SH2D2A: variants seen among roughly 807,000 people sequenced by gnomAD.
SH2D2A encodes the protein SH2 domain containing 2A.
SH2D2A carries 33 observed loss-of-function variants against 43.6 expected under a neutral mutation model. That is an observed-to-expected ratio of 0.76 (90% CI 0.57 to 1.01). The LOEUF (loss-of-function observed/expected upper bound fraction) is 1.01, where lower values mean the gene tolerates loss of function less well. Ranked by LOEUF, SH2D2A falls within the 50% of genes least tolerant of loss-of-function variation. The pLI, the probability that SH2D2A is intolerant of heterozygous loss-of-function variation, is 0.00. For missense variants in SH2D2A, 491 were observed against 503.1 expected (o/e 0.98, Z 0.23); for synonymous variants, 212 against 206.1 (o/e 1.03, Z -0.25).
rs372588179 is a variant in SH2D2A, at chr1:156,813,813, C to T, written c.567+35G>A. On this transcript the variant is annotated intron_variant, in intron 5 of 8. Transcript: ENST00000368199. ...GAGCGGGAGGGGCGCTGGCCCGAGA[C>T]CCTGGGCTCTCTGGTCAGGGTCTGG... The T allele has an allele frequency of 9.4e-6, 13 of 1,387,000 alleles. No homozygotes were observed. In the Middle Eastern group the frequency reaches 1.0e-3, roughly 111 times the overall value. The allele number at this position is 1,387,000 out of a possible 1,614,324, so 85.9% of individuals were successfully genotyped here.
rs373501735 is a variant in SH2D2A at position 156,813,961 on chromosome 1, C to T, written c.454G>A (p.Val152Met). Residue 152 changes from valine to methionine, a missense_variant, in exon 5 of 9, where the codon GTG (valine) becomes ATG (methionine). Coordinates refer to ENST00000368199, the MANE Select transcript of SH2D2A (RefSeq NM_003975.4). ...TGGGCGCTGTCCTCGCCCAGCACCA[C>T]GTGGCGCCCGTCCCTGAGCTGGGCC... Reference protein sequence around the residue: ...LLAQLRDGRHVVLGEDSAHAR... With the variant: ...LLAQLRDGRHMVLGEDSAHAR... The T allele has an allele frequency of 6.5e-7, 1 of 1,531,222 alleles. No homozygotes were observed. The highest frequency in any genetic ancestry group is 2.5e-5 in the East Asian group (1 of 40,706). The allele number at this position is 1,531,222 out of a possible 1,614,324, so 94.9% of individuals were successfully genotyped here.
intron 8 of SH2D2A, among the ~76,000 whole-genome samples, chr1:156,806,952 A>G (rs1171447778): frequency 6.6e-6 from 1 of 152,136 alleles, no homozygotes; most frequent in Non-Finnish European, 1.5e-5. Flanking sequence ...TGACCTTAAC[A>G]TCCTTTCCAA....
At position 156,815,121 on chromosome 1, in the gene SH2D2A, C is replaced by T. The variant is rs199618683; in HGVS notation, c.224G>A (p.Arg75Gln). 3.5e-5 allele frequency: 56 copies of T among 1,610,214 alleles called. No homozygotes were observed. The highest frequency in any genetic ancestry group is 2.5e-4 in the East Asian group (11 of 44,572). ...EGSLFLQAETRAWFQKTQAHW... is the reference protein window; with the variant it reads ...EGSLFLQAETQAWFQKTQAHW... ...GGCCTGGGTCTTCTGGAACCAAGCC[C>T]GGGTCTCGGCCTGCAGGAACAGGCT... Residue 75 changes from arginine (R) to glutamine (Q), a missense_variant, in exon 3 of 9, where the codon CGG becomes CAG. Coordinates refer to ENST00000368199, the MANE Select transcript of SH2D2A (RefSeq NM_003975.4).
At chr1:156,815,560 A>G in intron 2 of SH2D2A, 1 of 608,444 alleles carries the variant, frequency 1.6e-6, no homozygotes, top group Non-Finnish European at 2.9e-6. Flanking sequence ...ATGAAGAAAC[A>G]TGATGCAGGA....
In SH2D2A at chr1:156,816,766, G is replaced by A. The variant is rs574015306; in HGVS notation, c.-58C>T. 1.0e-5 allele frequency: 15 copies of A among 1,483,876 alleles called. No individual in the cohort carries two copies. The East Asian group carries it at 3.8e-4, about 38-fold the overall frequency. 91.9% of individuals were successfully genotyped at this position (1,483,876 alleles called of 1,614,324 possible). ...GTGTGTGTATGTGTTCCGGAAAGGT[G>A]TGCACACTCAGCAACTCATCATCTC... On this transcript the variant is annotated 5_prime_UTR_variant, in exon 1 of 9. Coordinates refer to ENST00000368199, the MANE Select transcript of SH2D2A (RefSeq NM_003975.4).
rs374374158 is a variant in SH2D2A at position 156,816,128 on chromosome 1, A to G, written c.35-34T>C. The G allele has an allele frequency of 2.2e-5, 35 of 1,592,680 alleles. No individual in the cohort carries two copies. The African/African-American group carries it at 4.6e-4, about 21-fold the overall frequency. ...ACAAAGAGGGCTGCCGGGGTTTCTC[A>G]GAGAGGAACTATGTCTGTCTCTGCC... On this transcript the variant is annotated intron_variant, in intron 1 of 8. Coordinates refer to ENST00000368199, the MANE Select transcript of SH2D2A (RefSeq NM_003975.4).
Position 156,809,471 on chromosome 1 carries a change from G to T in SH2D2A, c.734C>A (p.Pro245His). Residue 245 changes from proline (P) to histidine (H), a missense_variant, in exon 7 of 9, where the codon CCC becomes CAC. By Grantham distance (77) the Pro-to-His change is moderately conservative (BLOSUM62 -2). Coordinates refer to ENST00000368199, the MANE Select transcript of SH2D2A (RefSeq NM_003975.4). The surrounding 1 kb of genome is among the most constrained non-coding windows in gnomAD (Gnocchi z 4.8). ...GEKEPSQLLRPKPPIPAKPQL... is the reference protein window; with the variant it reads ...GEKEPSQLLRHKPPIPAKPQL... ...AGGTTTGGCGGGGATGGGAGGCTTG[G>T]GCCTGAGCAGCTGGGAGGGCTGGGA... 2 of 1,606,440 alleles carry T rather than the reference G, an allele frequency of 1.2e-6. No homozygotes were observed. Among genetic ancestry groups the T allele is most frequent in the South Asian group, 2.2e-5 (2 of 90,634 alleles).
In SH2D2A at chr1:156,814,234, C is replaced by G. The variant is rs1218666247; in HGVS notation, c.369G>C (p.Glu123Asp). 4.3e-6 allele frequency: 7 copies of G among 1,613,842 alleles called. No homozygotes were observed. Among genetic ancestry groups the G allele is most frequent in the Non-Finnish European group, 5.1e-6 (6 of 1,179,982 alleles). The change falls in exon 4 of 9, where the codon GAG (glutamate) becomes GAC (aspartate). Residue 123 changes from glutamate to aspartate, a missense_variant. Glu to Asp is a conservative substitution (Grantham distance 45). Transcript: ENST00000368199. ...AAGTCAGCACGAAGGTCACCGCGCT[C>G]TCGCTGAACCGCACCAAGTAGCACC... ...PQGCYLVRFS[E>D]SAVTFVLTYR...
intron 7 of SH2D2A, among the ~76,000 whole-genome samples, chr1:156,808,310 A>AT: frequency 6.6e-6 from 1 of 152,156 alleles, no homozygotes. Context: ...AGGACAGTGA[A>AT]CATGGGACCG....
At chr1:156,808,660 G>A (rs1653154285) in intron 7 of SH2D2A, among the ~76,000 whole-genome samples, 1 of 152,134 alleles carries the variant, frequency 6.6e-6, no homozygotes, top group Non-Finnish European at 1.5e-5. Context: ...TTGAAGGGTA[G>A]GCAAGAAGAC....
Position 156,809,115 on chromosome 1 carries a change from G to T in SH2D2A, c.1002+88C>A. 1 of 1,358,838 alleles carries T rather than the reference G, an allele frequency of 7.4e-7. No homozygotes were observed. Among genetic ancestry groups the T allele is most frequent in the Non-Finnish European group, 1.0e-6 (1 of 985,002 alleles). 84.2% of individuals were successfully genotyped at this position (1,358,838 alleles called of 1,614,324 possible). A position where few individuals can be genotyped will look rare whatever the true frequency, so the allele number is the denominator to read the frequency against. ...ACCTCTGCCCCTTACCCTGCCCCAG[G>T]CATCCACTCTGAACACCTTCTTCAC... On this transcript the variant is annotated intron_variant, in intron 7 of 8. Transcript: ENST00000368199. This position sits in a 1 kb window ranked among gnomAD's most constrained non-coding sequence, Gnocchi z 4.8.
At chr1:156,815,436 TG>T (rs1247744927) in intron 2 of SH2D2A, 15 of 570,712 alleles carry the variant, frequency 2.6e-5, no homozygotes, top group Admixed American at 9.2e-5. Flanking sequence ...CTTTGCCCTC[TG>T]GGTCCTGAGG....
chr1:156,813,249 G>A (rs1348649873), intron 5 of SH2D2A, among the ~76,000 whole-genome samples: 2 of 152,162 alleles, frequency 1.3e-5, no homozygotes, highest in Non-Finnish European at 2.9e-5. Flanking sequence ...GGAGACCCCC[G>A]CATCCTCCCC....
In SH2D2A at chr1:156,815,129, G is replaced by A. The variant is rs754523406; in HGVS notation, c.216C>T (p.Ala72=). 8 of 1,609,308 alleles carry A rather than the reference G, an allele frequency of 5.0e-6. No individual in the cohort carries two copies. The East Asian group carries it at 6.7e-5, about 14-fold the overall frequency. Residue 72 remains alanine, a synonymous_variant, in exon 3 of 9, where the codon GCC becomes GCT. Coordinates refer to ENST00000368199, the MANE Select transcript of SH2D2A (RefSeq NM_003975.4). ...VPGEGSLFLQ[A]ETRAWFQKTQ... The stretch of plus-strand genomic sequence containing the variant: ...TCTTCTGGAACCAAGCCCGGGTCTC[G>A]GCCTGCAGGAACAGGCTTCCTTCTC...
Position 156,809,186 on chromosome 1 carries a change from C to T in SH2D2A, c.1002+17G>A, listed in dbSNP as rs1177483029. The T allele has an allele frequency of 6.3e-7, 1 of 1,586,610 alleles. No homozygotes were observed. Among genetic ancestry groups the T allele is most frequent in the African/African-American group, 1.3e-5 (1 of 74,182 alleles). On this transcript the variant is annotated intron_variant, in intron 7 of 8. Coordinates refer to ENST00000368199, the MANE Select transcript of SH2D2A (RefSeq NM_003975.4). The surrounding 1 kb of genome is among the most constrained non-coding windows in gnomAD (Gnocchi z 4.8). ...GGAGACCTTCTTGCACCTACCTTTC[C>T]CTGCATACCCATTTACCTGGCCTCC...
In SH2D2A at chr1:156,809,902, G is replaced by T; in HGVS notation, c.568-95C>A. The T allele has an allele frequency of 7.2e-7, 1 of 1,384,458 alleles. No homozygotes were observed. The highest frequency in any genetic ancestry group is 1.0e-6 in the Non-Finnish European group (1 of 997,166). The allele number at this position is 1,384,458 out of a possible 1,614,324, so 85.8% of individuals were successfully genotyped here. Reference sequence around the variant, plus strand: ...AAATAATCCAGTCTAAGTGGAGGATGGGGGAAGGGGGAGGAGCACAGAAAT... The same window carrying T: ...AAATAATCCAGTCTAAGTGGAGGATTGGGGAAGGGGGAGGAGCACAGAAAT... On this transcript the variant is annotated intron_variant, in intron 5 of 8. Transcript: ENST00000368199. The surrounding 1 kb of genome is among the most constrained non-coding windows in gnomAD (Gnocchi z 4.8).
Position 156,816,711 on chromosome 1 carries a change from G to C in SH2D2A, c.-3C>G. ...ATCTGGGCCAGGGGGAACTCCATGAGGGCAGCCTCACAAGGGATCCCAGAG... is the reference window on the plus strand; with the variant it reads ...ATCTGGGCCAGGGGGAACTCCATGACGGCAGCCTCACAAGGGATCCCAGAG... On this transcript the variant is annotated 5_prime_UTR_variant, in exon 1 of 9. Coordinates refer to ENST00000368199, the MANE Select transcript of SH2D2A (RefSeq NM_003975.4). 1.3e-6 allele frequency: 2 copies of C among 1,598,120 alleles called. No individual in the cohort carries two copies. The highest frequency in any genetic ancestry group is 1.7e-6 in the Non-Finnish European group (2 of 1,171,752).
At chr1:156,808,930 A>G (rs894408124) in intron 7 of SH2D2A, among the ~76,000 whole-genome samples, 1 of 152,058 alleles carries the variant, frequency 6.6e-6, no homozygotes, top group Non-Finnish European at 1.5e-5. Flanking sequence ...GTGGAGGGGC[A>G]CCCTGCCTGG....
rs1653663611 is a variant in SH2D2A, at chr1:156,814,222, G to A, written c.381C>T (p.Thr127=). Residue 127 remains threonine (T), a synonymous_variant, in exon 4 of 9, where the codon ACC becomes ACT. Coordinates refer to ENST00000368199, the MANE Select transcript of SH2D2A (RefSeq NM_003975.4). The stretch of plus-strand genomic sequence containing the variant: ...CCCCTCACCTGTAAGTCAGCACGAA[G>A]GTCACCGCGCTCTCGCTGAACCGCA... The part of the protein sequence containing the change: ...YLVRFSESAV[T]FVLTYRSRTC... The A allele has an allele frequency of 2.5e-6, 4 of 1,613,870 alleles. No homozygotes were observed. The highest frequency in any genetic ancestry group is 3.4e-6 in the Non-Finnish European group (4 of 1,179,954).
Sources: gnomAD v4.1 joint callset for allele counts (sites outside exome capture counted in the v4.1 genomes callset) on GRCh38, gnomAD v4.1.1 for gene constraint, Gnocchi (gnomAD v3.1) non-coding constraint, MANE v1.5 for transcripts, NCBI Gene and HGNC (gene_info 2026-07-23, HGNC 2026-07-21) for gene names.